The following CLSTN2 variants were observed in gnomAD, a reference collection of about 807,000 sequenced individuals.
CLSTN2 encodes calsyntenin 2.
In CLSTN2, 48 loss-of-function variants were observed where a neutral mutation model predicts 101.2. That is an observed-to-expected ratio of 0.47 (90% CI 0.38 to 0.60). The LOEUF is 0.60. Ranked by LOEUF, CLSTN2 falls within the 20% of genes least tolerant of loss-of-function variation. The pLI is 0.00. For missense variants in CLSTN2, 1,160 were observed against 1,238.2 expected (o/e 0.94, Z 0.95); for synonymous variants, 481 against 463.6 (o/e 1.04, Z -0.48).
chr3:140,467,313 G>A (rs142906602), intron 8 of CLSTN2, among the ~76,000 whole-genome samples: 1 of 152,296 alleles, frequency 6.6e-6, no homozygotes, highest in Non-Finnish European at 1.5e-5. Context: ...CCAAAGCTTT[G>A]AAGTATGTTT....
chr3:140,344,413 A>G (rs1275865641), intron 2 of CLSTN2, among the ~76,000 whole-genome samples: 1 of 152,224 alleles, frequency 6.6e-6, no homozygotes, highest in East Asian at 1.9e-4. Flanking sequence ...CCACTCCAAC[A>G]TCACGTTGCA....
intron 1 of CLSTN2, among the ~76,000 whole-genome samples, chr3:140,012,156 A>G (rs539614633): frequency 1.3e-4 from 20 of 152,124 alleles, no homozygotes; most frequent in African/African-American, 4.8e-4. Context: ...TCTGTGAGGC[A>G]GTACAGAGCG....
At chr3:140,374,261 C>T (rs1236683237) in intron 2 of CLSTN2, among the ~76,000 whole-genome samples, 3 of 152,200 alleles carry the variant, frequency 2.0e-5, no homozygotes, top group Non-Finnish European at 4.4e-5. Context: ...GTTATCTGTT[C>T]TATGTCTCTG....
At chr3:140,554,640 A>T (rs1322740037) in intron 10 of CLSTN2, among the ~76,000 whole-genome samples, 33 of 152,222 alleles carry the variant, frequency 2.2e-4, no homozygotes, top group Admixed American at 2.2e-3. Flanking sequence ...ATACTCTTTG[A>T]CCTAGCAATT....
intron 1 of CLSTN2, among the ~76,000 whole-genome samples, chr3:140,134,455 G>C (rs968564592): frequency 3.3e-5 from 5 of 152,064 alleles, no homozygotes; most frequent in African/African-American, 9.7e-5. Flanking sequence ...TGGCCTCCTG[G>C]GAAGAGCAAC....
At chr3:140,228,744 A>G (rs1196609847) in intron 2 of CLSTN2, among the ~76,000 whole-genome samples, 2 of 152,200 alleles carry the variant, frequency 1.3e-5, no homozygotes, top group African/African-American at 2.4e-5. Context: ...CATGTCTTAC[A>G]TGGATGGCTG....
At chr3:140,148,106 T>C (rs1241854060) in intron 1 of CLSTN2, among the ~76,000 whole-genome samples, 1 of 152,236 alleles carries the variant, frequency 6.6e-6, no homozygotes, top group African/African-American at 2.4e-5. Context: ...CTTGCCCTAC[T>C]GTTCACGCAA....
chr3:140,415,407 GA>G (rs1213447246), intron 4 of CLSTN2, among the ~76,000 whole-genome samples: 1 of 135,010 alleles, frequency 7.4e-6, no homozygotes, highest in Non-Finnish European at 1.5e-5. Flanking sequence ...GCAACCTACA[GA>G]ATGGGAAAAT....
At chr3:140,282,278 T>G (rs1167779643) in intron 2 of CLSTN2, among the ~76,000 whole-genome samples, 1 of 152,160 alleles carries the variant, frequency 6.6e-6, no homozygotes, top group East Asian at 1.9e-4. Context: ...GGGGAAGAAC[T>G]GCTAAACTAG....
intron 2 of CLSTN2, among the ~76,000 whole-genome samples, chr3:140,265,546 C>T (rs1161234866): frequency 6.6e-6 from 1 of 152,204 alleles, no homozygotes; most frequent in African/African-American, 2.4e-5. Flanking sequence ...AAAAGATAAT[C>T]ACTCTGGATG....
intron 1 of CLSTN2, among the ~76,000 whole-genome samples, chr3:140,105,747 T>C (rs1379614063): frequency 6.6e-6 from 1 of 152,184 alleles, no homozygotes; most frequent in Non-Finnish European, 1.5e-5. Flanking sequence ...ACATTTAGCA[T>C]CTTATCTCCT....
At chr3:140,388,506 T>C (rs915420528) in intron 2 of CLSTN2, among the ~76,000 whole-genome samples, 2 of 152,230 alleles carry the variant, frequency 1.3e-5, no homozygotes, top group Non-Finnish European at 2.9e-5. Context: ...CAGAAGCTTC[T>C]ACTCTCCCTT....
At chr3:140,471,724 G>T (rs1212159778) in intron 8 of CLSTN2, among the ~76,000 whole-genome samples, 1 of 152,194 alleles carries the variant, frequency 6.6e-6, no homozygotes, top group Non-Finnish European at 1.5e-5. Context: ...GTAAGATTCA[G>T]TGGAAAGTAA....
At chr3:140,446,380 C>G (rs1933078056) in intron 5 of CLSTN2, among the ~76,000 whole-genome samples, 1 of 152,126 alleles carries the variant, frequency 6.6e-6, no homozygotes, top group Non-Finnish European at 1.5e-5. Context: ...GGATGAATCT[C>G]ACATCCGTAA....
intron 8 of CLSTN2, among the ~76,000 whole-genome samples, chr3:140,492,908 C>T (rs1215709916): frequency 6.6e-6 from 1 of 152,168 alleles, no homozygotes; most frequent in Non-Finnish European, 1.5e-5. Flanking sequence ...AGGGGACTCC[C>T]ACCATATAAA....
chr3:140,080,212 C>T (rs897569182), intron 1 of CLSTN2, among the ~76,000 whole-genome samples: 1 of 152,174 alleles, frequency 6.6e-6, no homozygotes, highest in African/African-American at 2.4e-5. Flanking sequence ...CCAGTGAGTG[C>T]CCTTCCTCTA....
At chr3:140,326,930 C>T (rs1470943836) in intron 2 of CLSTN2, among the ~76,000 whole-genome samples, 1 of 152,128 alleles carries the variant, frequency 6.6e-6, no homozygotes, top group Non-Finnish European at 1.5e-5. Context: ...GACCTTTTAT[C>T]CATCATTGCT....
chr3:140,233,474 GA>G (rs1236521791), intron 2 of CLSTN2, among the ~76,000 whole-genome samples: 4 of 152,136 alleles, frequency 2.6e-5, no homozygotes, highest in African/African-American at 7.2e-5. Flanking sequence ...GACTCTCTGA[GA>G]AAAGGAATAC....
intron 8 of CLSTN2, among the ~76,000 whole-genome samples, chr3:140,480,005 G>A (rs1934078747): frequency 6.6e-6 from 1 of 152,028 alleles, no homozygotes; most frequent in African/African-American, 2.4e-5. Context: ...ACAACGTGCA[G>A]GTTTGTTACA....
Sources: allele counts gnomAD v4.1 joint callset (sites outside exome capture counted in the v4.1 genomes callset), GRCh38; gene constraint gnomAD v4.1.1; transcripts MANE v1.5; gene names NCBI Gene and HGNC (gene_info 2026-07-23, HGNC 2026-07-21).